MARCHF7: variants seen among roughly 807,000 people sequenced by gnomAD.
MARCHF7 encodes E3 ubiquitin-protein ligase MARCHF7.
Under a neutral mutation model 76.5 loss-of-function variants are expected in MARCHF7, and 20 were observed. That is an observed-to-expected ratio of 0.26 (90% confidence interval 0.18 to 0.38). The LOEUF is 0.38. MARCHF7 is among the 10% of genes least tolerant of loss of function. The pLI is 1.00. For missense variants in MARCHF7, 797 were observed against 812.9 expected (o/e 0.98, Z 0.24); for synonymous variants, 295 against 293.0 (o/e 1.01, Z -0.07).
chr2:159,767,576 A>C lies in MARCHF7; in HGVS notation c.*234A>C, dbSNP rs1707946174. On this transcript the variant is annotated 3_prime_UTR_variant, in exon 12 of 12. Transcript: ENST00000409175. ...TCCGATGTTTATAAACTGGTAATCA[A>C]AAAGGTTTTTTCTTTTAGGTGAGTG... 2.8e-6 allele frequency: 1 copy of C among 361,668 alleles called. No individual in the cohort carries two copies. Among genetic ancestry groups the C allele is most frequent in the Non-Finnish European group, 5.0e-6 (1 of 201,736 alleles). 22.4% of individuals were successfully genotyped at this position (361,668 alleles called of 1,614,324 possible).
chr2:159,752,381 G>C, intron 7 of MARCHF7, 21 bp from the exon 8 acceptor site: 1 of 1,543,744 alleles, frequency 6.5e-7, no homozygotes. Flanking sequence ...ATAGCTTTGG[G>C]AAATGTGCCT....
Position 159,748,516 on chromosome 2 carries a change from C to G in MARCHF7, c.1226C>G (p.Ser409Cys). The change falls in exon 7 of 12, where the codon TCT becomes TGT. Residue 409 changes from serine to cysteine, a missense_variant. Around this residue, in one of 3 missense-constraint regions of MARCHF7, gnomAD observed 643 missense variants for 631.5 expected, o/e 1.02. Coordinates refer to ENST00000409175, the MANE Select transcript of MARCHF7 (RefSeq NM_001282805.2). ...SRRRREGRDE[S>C]SRIPTSDTSS... ...AGGAGGCGAGAGGGAAGAGATGAAT[C>G]TTCAAGGATACCTACCTCTGATACA... is the stretch of plus-strand genomic sequence containing the variant. The G allele has an allele frequency of 6.2e-7, 1 of 1,614,084 alleles. No individual in the cohort carries two copies. Among genetic ancestry groups the G allele is most frequent in the Non-Finnish European group, 8.5e-7 (1 of 1,179,992 alleles).
intron 4 of MARCHF7, among the ~76,000 whole-genome samples, chr2:159,740,550 A>G (rs1299187363): frequency 6.6e-6 from 1 of 152,220 alleles, no homozygotes. Flanking sequence ...ACTGGCCTGC[A>G]GGATAAGGTC....
Position 159,768,409 on chromosome 2 carries a change from A to G in MARCHF7, c.*1067A>G, listed in dbSNP as rs1309309552. The G allele has an allele frequency of 6.6e-6, 1 of 152,596 alleles. No individual in the cohort carries two copies. The highest frequency in any genetic ancestry group is 6.5e-5 in the Admixed American group (1 of 15,282). 9.5% of individuals were successfully genotyped at this position (152,596 alleles called of 1,614,324 possible). A position where few individuals can be genotyped will look rare whatever the true frequency, so the allele number is the denominator to read the frequency against. On this transcript the variant is annotated 3_prime_UTR_variant, in exon 12 of 12. Coordinates refer to ENST00000409175, the MANE Select transcript of MARCHF7 (RefSeq NM_001282805.2). ...TTTTTCTTCTGTCAGTACCCTTAGG[A>G]TACACTTTAAAACACCTTAAGGTCT...
intron 11 of MARCHF7, among the ~76,000 whole-genome samples, chr2:159,767,039 A>T (rs1353874270): frequency 6.6e-6 from 1 of 151,720 alleles, no homozygotes; most frequent in Non-Finnish European, 1.5e-5. Context: ...ATTTTTAAGC[A>T]CTTTCATTTT....
At chr2:159,731,451 T>C (rs1702776528) in intron 4 of MARCHF7, among the ~76,000 whole-genome samples, 1 of 152,160 alleles carries the variant, frequency 6.6e-6, no homozygotes, top group African/African-American at 2.4e-5. Flanking sequence ...ATGTTGTAGA[T>C]TATTCAAAAA....
chr2:159,765,511 A>G (rs1381410865), intron 11 of MARCHF7, among the ~76,000 whole-genome samples: 2 of 152,140 alleles, frequency 1.3e-5, no homozygotes, highest in Non-Finnish European at 2.9e-5. Context: ...TTTGTTGCCC[A>G]TTCCAAAACA....
intron 4 of MARCHF7, among the ~76,000 whole-genome samples, chr2:159,738,171 T>TGG (rs1420190173): frequency 6.6e-6 from 1 of 152,140 alleles, no homozygotes; most frequent in Non-Finnish European, 1.5e-5. Context: ...TATGAGGCTG[T>TGG]GGATGGATCA....
rs760441965 is a variant in MARCHF7, at chr2:159,758,865, T to C, written c.1784-361T>C. Among the ~76,000 whole-genome samples, 108 of 152,192 alleles carry C rather than the reference T, an allele frequency of 7.1e-4. 1 individual carries two copies. The highest frequency in any genetic ancestry group is 1.6e-4 in the Non-Finnish European group (11 of 68,040). On this transcript the variant is annotated intron_variant, in intron 8 of 11. Transcript: ENST00000409175. ...GTTTGAGATGTTACATCACTAAACA[T>C]TGTTTTCATGGCATCACGTCAAAGT... is the stretch of plus-strand genomic sequence containing the variant.
chr2:159,747,890 C>T lies in MARCHF7; in HGVS notation c.600C>T (p.Ser200=). Residue 200 remains serine, a synonymous_variant, in exon 7 of 12, where the codon TCC becomes TCT. Coordinates refer to ENST00000409175, the MANE Select transcript of MARCHF7 (RefSeq NM_001282805.2). ...SMSTLQLNTS[S]TNHQLPSEHQ... is the part of the protein sequence containing the mutation. ...GCACTTTACAGTTGAATACATCATC[C>T]ACAAACCACCAATTGCCTTCTGAAC... 6.2e-7 allele frequency: 1 copy of T among 1,614,062 alleles called. No homozygotes were observed. The highest frequency in any genetic ancestry group is 8.5e-7 in the Non-Finnish European group (1 of 1,179,996).
intron 1 of MARCHF7, among the ~76,000 whole-genome samples, chr2:159,712,947 C>T (rs1700399963): frequency 6.6e-6 from 1 of 152,114 alleles, no homozygotes; most frequent in African/African-American, 2.4e-5. Context: ...AGCCTGAGCC[C>T]TCCTTTGGCG....
At chr2:159,728,793 T>C (rs1294744090) in intron 3 of MARCHF7, among the ~76,000 whole-genome samples, 1 of 152,218 alleles carries the variant, frequency 6.6e-6, no homozygotes, top group East Asian at 1.9e-4. Flanking sequence ...ATTCCACTTT[T>C]ACCATGTTTG....
chr2:159,721,726 T>A (rs11898911), intron 3 of MARCHF7, among the ~76,000 whole-genome samples: 188 of 152,294 alleles, frequency 1.2e-3, no homozygotes, highest in African/African-American at 4.3e-3. Context: ...GACTTGTTGA[T>A]GAGGAACATG....
Position 159,770,423 on chromosome 2 carries a change from G to C in MARCHF7, c.*3081G>C, listed in dbSNP as rs1708102412. On this transcript the variant is annotated 3_prime_UTR_variant, in exon 12 of 12. Coordinates refer to ENST00000409175, the MANE Select transcript of MARCHF7 (RefSeq NM_001282805.2). ...CATTAATGATAGTGCCATTAATTGT[G>C]ATGAGTGTTTTCGATTCATGTGGTC... is the stretch of plus-strand genomic sequence containing the variant. 1 of 152,134 alleles carries C rather than the reference G, an allele frequency of 6.6e-6. No individual in the cohort carries two copies. Among genetic ancestry groups the C allele is most frequent in the Non-Finnish European group, 1.5e-5 (1 of 68,026 alleles). 9.4% of individuals were successfully genotyped at this position (152,134 alleles called of 1,614,324 possible).
chr2:159,713,492 C>T (rs999274855), intron 1 of MARCHF7, among the ~76,000 whole-genome samples: 4 of 152,062 alleles, frequency 2.6e-5, no homozygotes, highest in African/African-American at 9.7e-5. Context: ...GTTTTCTCCC[C>T]CATTTTGTAG....
chr2:159,759,197 A>G lies in MARCHF7; in HGVS notation c.1784-29A>G, dbSNP rs764580042. ...GTTTTATGAAGACATTATAAAACTA[A>G]GCTTTATTTGTAATTTAATTTTTAC... On this transcript the variant is annotated intron_variant, in intron 8 of 11. Coordinates refer to ENST00000409175, the MANE Select transcript of MARCHF7 (RefSeq NM_001282805.2). 2.1e-5 allele frequency: 26 copies of G among 1,250,914 alleles called. No individual in the cohort carries two copies. In the African/African-American group the frequency reaches 2.4e-4, roughly 12 times the overall value. The allele number at this position is 1,250,914 out of a possible 1,614,324, so 77.5% of individuals were successfully genotyped here. A position where few individuals can be genotyped will look rare whatever the true frequency, so the allele number is the denominator to read the frequency against.
In MARCHF7 at chr2:159,753,262, G is replaced by A. The variant is rs368360646; in HGVS notation, c.1783+691G>A. Among the ~76,000 whole-genome samples, 14 of 152,188 alleles carry A rather than the reference G, an allele frequency of 9.2e-5. 1 individual carries two copies. The East Asian group carries it at 2.1e-3, about 23-fold the overall frequency. On this transcript the variant is annotated intron_variant, in intron 8 of 11. Transcript: ENST00000409175. ...GGCTGGTGTATAATTAGTCTTAGTCGGGGAGGGGAGATAAAGTTGTGATGA... is the reference window on the plus strand; with the variant it reads ...GGCTGGTGTATAATTAGTCTTAGTCAGGGAGGGGAGATAAAGTTGTGATGA...
At chr2:159,744,854 A>G (rs894277205) in intron 5 of MARCHF7, among the ~76,000 whole-genome samples, 1 of 152,252 alleles carries the variant, frequency 6.6e-6, no homozygotes, top group Non-Finnish European at 1.5e-5. Flanking sequence ...GAAAGAATCA[A>G]AATTTCAAGG....
intron 6 of MARCHF7, among the ~76,000 whole-genome samples, chr2:159,746,776 C>G (rs1310410625): frequency 6.6e-6 from 1 of 152,102 alleles, no homozygotes; most frequent in African/African-American, 2.4e-5. Context: ...TTGAAGTTGA[C>G]AAATATAGTA....
Sources: gnomAD v4.1 joint callset for allele counts (sites outside exome capture counted in the v4.1 genomes callset) on GRCh38, gnomAD v4.1.1 for gene constraint, gnomAD v4.1.1 regional missense constraint, MANE v1.5 for transcripts, NCBI Gene and HGNC (gene_info 2026-07-23, HGNC 2026-07-21) for gene names.